The following UQCC1 variants were observed in gnomAD, a reference collection of about 807,000 sequenced individuals.
UQCC1 encodes the protein ubiquinol-cytochrome c reductase complex assembly factor 1.
UQCC1 carries 38 observed loss-of-function variants against 48.0 expected under a neutral mutation model. The observed-to-expected ratio is 0.79, with a 90% CI of 0.61 to 1.04. The LOEUF is 1.04. Among genes scored for constraint, UQCC1 ranks in the 50% least tolerant of loss-of-function variants. The probability of loss-of-function intolerance (pLI) is 0.00; values close to 1 mark genes in which losing one functional copy is unlikely to be tolerated. For synonymous variants in UQCC1, 111 were observed against 129.2 expected, an observed-to-expected ratio of 0.86 and a Z score of 0.95; for missense variants, 368 against 381.8, an observed-to-expected ratio of 0.96 and a Z score of 0.30.
intron 7 of UQCC1, among the ~76,000 whole-genome samples, chr20:35,322,857 C>CT (rs2061146534): frequency 6.6e-6 from 1 of 151,774 alleles, no homozygotes; most frequent in Admixed American, 6.6e-5. Context: ...ACTGTCTTTT[C>CT]TTTTTTTTGA....
chr20:35,401,057 T>G (rs987623798), intron 1 of UQCC1, among the ~76,000 whole-genome samples: 7 of 152,296 alleles, frequency 4.6e-5, no homozygotes, highest in Middle Eastern at 3.4e-3. Flanking sequence ...CCACAAACAC[T>G]GAGTTAGCAA....
chr20:35,383,584 T>A (rs2061901879), intron 3 of UQCC1, among the ~76,000 whole-genome samples: 1 of 151,910 alleles, frequency 6.6e-6, no homozygotes, highest in Non-Finnish European at 1.5e-5. Flanking sequence ...TTAAAAAAAA[T>A]TTTAAAAACA....
At chr20:35,390,123 T>C (rs2061996273) in intron 2 of UQCC1, among the ~76,000 whole-genome samples, 2 of 152,006 alleles carry the variant, frequency 1.3e-5, no homozygotes, top group Admixed American at 6.6e-5. Flanking sequence ...TATCCTAAAG[T>C]AGTCAAAATC....
In UQCC1 at chr20:35,366,456, A is replaced by G. The variant is rs1264874065; in HGVS notation, c.464+101T>C. 2.5e-5 allele frequency: 25 copies of G among 981,864 alleles called. No homozygotes were observed. The South Asian group carries it at 3.0e-4, about 12-fold the overall frequency. The allele number at this position is 981,864 out of a possible 1,614,324, so 60.8% of individuals were successfully genotyped here. Reference sequence around the variant, plus strand: ...AGGAACAGTTTTTAACACCTGAACAACTGCCATTTCATATAATCAGCCCTC... The same window carrying G: ...AGGAACAGTTTTTAACACCTGAACAGCTGCCATTTCATATAATCAGCCCTC... On this transcript the variant is annotated intron_variant, in intron 6 of 9. Transcript: ENST00000374385.
chr20:35,410,715 A>AAAAAAAAAC (rs1292116650), intron 1 of UQCC1, among the ~76,000 whole-genome samples: 2 of 121,512 alleles, frequency 1.6e-5, no homozygotes, highest in Non-Finnish European at 3.3e-5. Flanking sequence ...AAAAAAAAAA[A>AAAAAAAAAC]AAAAAAAAAC....
chr20:35,392,366 G>T lies in UQCC1; in HGVS notation c.129+1726C>A, dbSNP rs996294051. 8 of 1,088,860 alleles carry T rather than the reference G, an allele frequency of 7.3e-6. No homozygotes were observed. In the East Asian group the frequency reaches 3.5e-4, roughly 48 times the overall value. The allele number at this position is 1,088,860 out of a possible 1,614,324, so 67.4% of individuals were successfully genotyped here. A position where few individuals can be genotyped will look rare whatever the true frequency, so the allele number is the denominator to read the frequency against. On this transcript the variant is annotated intron_variant, in intron 2 of 9. Transcript: ENST00000374385. ...CAATGACTAAAATTACATCTGGTCAGCATGAGATAAACCACCCTCAGTTAT... is the reference window on the plus strand; with the variant it reads ...CAATGACTAAAATTACATCTGGTCATCATGAGATAAACCACCCTCAGTTAT...
intron 2 of UQCC1, among the ~76,000 whole-genome samples, chr20:35,390,284 G>T (rs2061997814): frequency 1.3e-5 from 2 of 152,078 alleles, no homozygotes; most frequent in Admixed American, 1.3e-4. Flanking sequence ...AATTAGCCAG[G>T]CGTGGTGGTG....
chr20:35,335,074 A>G lies in UQCC1; in HGVS notation c.573+12090T>C, dbSNP rs181922932. Among the ~76,000 whole-genome samples, 222 of 152,354 alleles carry G rather than the reference A, an allele frequency of 1.5e-3. 1 individual carries two copies. Among genetic ancestry groups the G allele is most frequent in the Non-Finnish European group, 2.4e-3 (165 of 68,044 alleles). ...TCACATATCTAATTTCATTATAAAC[A>G]TATCTAATTTCATTATAACTAATTT... On this transcript the variant is annotated intron_variant, in intron 7 of 9. Transcript: ENST00000374385.
At chr20:35,406,597 G>A (rs1193380633) in intron 1 of UQCC1, among the ~76,000 whole-genome samples, 1 of 152,186 alleles carries the variant, frequency 6.6e-6, no homozygotes, top group East Asian at 1.9e-4. Flanking sequence ...GCAAGAATAA[G>A]GCAGACCTTC....
intron 8 of UQCC1, chr20:35,307,125 C>G (rs552131293): frequency 2.7e-6 from 1 of 374,034 alleles, no homozygotes; most frequent in South Asian, 2.3e-5. Flanking sequence ...CAATGCTCCC[C>G]CTGCTGTCCA....
intron 1 of UQCC1, among the ~76,000 whole-genome samples, chr20:35,401,562 T>C (rs1403862139): frequency 6.6e-6 from 1 of 152,212 alleles, no homozygotes; most frequent in East Asian, 1.9e-4. Flanking sequence ...GCTGCAAGTA[T>C]TGATTTTGGG....
intron 6 of UQCC1, among the ~76,000 whole-genome samples, chr20:35,359,779 A>G (rs1402936455): frequency 6.6e-6 from 1 of 152,212 alleles, no homozygotes; most frequent in Non-Finnish European, 1.5e-5. Context: ...AAGAAAGCAG[A>G]GCCTAGATGG....
At chr20:35,402,165 G>A (rs2076434859) in intron 1 of UQCC1, among the ~76,000 whole-genome samples, 1 of 152,154 alleles carries the variant, frequency 6.6e-6, no homozygotes, top group Non-Finnish European at 1.5e-5. Flanking sequence ...AATACAGGCC[G>A]GGCATAGTGG....
chr20:35,377,633 G>C (rs759003868), intron 4 of UQCC1, among the ~76,000 whole-genome samples: 1 of 152,178 alleles, frequency 6.6e-6, no homozygotes, highest in Admixed American at 6.6e-5. Context: ...TTCAGCTACA[G>C]ACAAGTATGT....
intron 1 of UQCC1, among the ~76,000 whole-genome samples, chr20:35,410,709 A>AAAAAAAAAAAAAAAAAAAAAAAAAC (rs2062341068): frequency 8.7e-6 from 1 of 115,526 alleles, no homozygotes; most frequent in Admixed American, 9.2e-5. Flanking sequence ...TGCCTCAAAA[A>AAAAAAAAAAAAAAAAAAAAAAAAAC]AAAAAAAAAA....
chr20:35,334,445 C>T (rs1232266581), intron 7 of UQCC1, among the ~76,000 whole-genome samples: 7 of 152,178 alleles, frequency 4.6e-5, no homozygotes, highest in East Asian at 1.9e-4. Context: ...CATACCAACT[C>T]GGTGCCTTTA....
intron 1 of UQCC1, among the ~76,000 whole-genome samples, chr20:35,411,500 A>T (rs1243611920): frequency 6.6e-6 from 1 of 152,184 alleles, no homozygotes; most frequent in Non-Finnish European, 1.5e-5. Context: ...AGAATCTCAG[A>T]ATCTAAAGGG....
intron 2 of UQCC1, among the ~76,000 whole-genome samples, chr20:35,385,315 C>T (rs1455543679): frequency 6.6e-6 from 1 of 152,184 alleles, no homozygotes; most frequent in Non-Finnish European, 1.5e-5. Flanking sequence ...ACAATCGCCA[C>T]CTTTTTCATG....
chr20:35,359,344 C>A (rs79399344), intron 6 of UQCC1, among the ~76,000 whole-genome samples: 2 of 152,218 alleles, frequency 1.3e-5, no homozygotes, highest in East Asian at 1.9e-4. Context: ...TGAGCTCCCC[C>A]CTTTTTCTCC....
Sources: allele counts gnomAD v4.1 joint callset (sites outside exome capture counted in the v4.1 genomes callset), GRCh38; gene constraint gnomAD v4.1.1; transcripts MANE v1.5; gene names NCBI Gene and HGNC (gene_info 2026-07-23, HGNC 2026-07-21).